TOR1AIP1: variants seen among roughly 807,000 people sequenced by gnomAD.
The protein encoded by TOR1AIP1 is torsin 1A interacting protein 1, also known as torsin-1A-interacting protein 1.
A neutral mutation model predicts 63.3 loss-of-function variants in TOR1AIP1; 54 were observed. The observed-to-expected ratio is 0.85, with a 90% CI of 0.69 to 1.07. The LOEUF (loss-of-function observed/expected upper bound fraction) is 1.07. Ranked by LOEUF, TOR1AIP1 falls within the 50% of genes least tolerant of loss-of-function variation. The probability of loss-of-function intolerance (pLI) is 0.00; values close to 1 mark genes in which losing one functional copy is unlikely to be tolerated. For synonymous variants in TOR1AIP1, 294 were observed against 273.5 expected (o/e 1.07, Z -0.74); for missense variants, 736 against 715.0 (o/e 1.03, Z -0.33).
intron 6 of TOR1AIP1, among the ~76,000 whole-genome samples, chr1:179,905,245 C>T (rs1035836910): frequency 2.6e-5 from 4 of 151,848 alleles, no homozygotes; most frequent in Non-Finnish European, 4.4e-5. Context: ...CGTGGTGGCG[C>T]GTGCCTGTAG....
chr1:179,887,985 C>T (rs1647958402), intron 2 of TOR1AIP1: 1 of 152,170 alleles, frequency 6.6e-6, no homozygotes, highest in Non-Finnish European at 1.5e-5. Flanking sequence ...TTCTCTCATA[C>T]CTCTCTCTGG....
Position 179,917,738 on chromosome 1 carries a change from T to C in TOR1AIP1, c.1251T>C (p.Asp417=). The change falls in exon 10 of 10, where the codon GAT becomes GAC. Residue 417 remains aspartate, a synonymous_variant. Coordinates refer to ENST00000606911, the MANE Select transcript of TOR1AIP1 (RefSeq NM_015602.4). ...TCTTACTGCTCACTGCTGCCCGAGATGCTGAAGAAGCACTTAGGTGTCTGA... is the reference window on the plus strand; with the variant it reads ...TCTTACTGCTCACTGCTGCCCGAGACGCTGAAGAAGCACTTAGGTGTCTGA... ...PAILLLTAAR[D]AEEALRCLSE... 6.2e-7 allele frequency: 1 copy of C among 1,614,236 alleles called. No homozygotes were observed. Among genetic ancestry groups the C allele is most frequent in the Non-Finnish European group, 8.5e-7 (1 of 1,180,044 alleles).
intron 3 of TOR1AIP1, among the ~76,000 whole-genome samples, chr1:179,898,825 G>A (rs184437930): frequency 3.8e-4 from 57 of 151,730 alleles, no homozygotes; most frequent in African/African-American, 1.2e-3. Flanking sequence ...GAAACCTAGA[G>A]CAAAATAGTA....
chr1:179,896,134 G>GT (rs1181124309), intron 3 of TOR1AIP1, among the ~76,000 whole-genome samples: 2 of 152,146 alleles, frequency 1.3e-5, no homozygotes, highest in East Asian at 1.9e-4. Flanking sequence ...AACCTTGCAG[G>GT]TATCTAATTA....
intron 3 of TOR1AIP1, among the ~76,000 whole-genome samples, chr1:179,897,596 C>T (rs565437419): frequency 2.0e-5 from 3 of 152,110 alleles, no homozygotes; most frequent in Non-Finnish European, 4.4e-5. Flanking sequence ...ATATCCTTTC[C>T]ATTATTATAG....
chr1:179,902,472 C>T (rs1468330078), intron 5 of TOR1AIP1, among the ~76,000 whole-genome samples: 1 of 151,922 alleles, frequency 6.6e-6, no homozygotes, highest in African/African-American at 2.4e-5. Context: ...ACTGCAGCCT[C>T]GACCTCCCAG....
In TOR1AIP1 at chr1:179,896,363, C is replaced by T. The variant is rs142406352; in HGVS notation, c.611-3763C>T. On this transcript the variant is annotated intron_variant, in intron 3 of 9. Coordinates refer to ENST00000606911, the MANE Select transcript of TOR1AIP1 (RefSeq NM_015602.4). ...CGTGATCTCGGCTCACTGCAACCTC[C>T]GCCTCAAAGTGCTGGGATTACAAGG... is the stretch of plus-strand genomic sequence containing the variant. Among the ~76,000 whole-genome samples, 14 of 152,056 alleles carry T rather than the reference C, an allele frequency of 9.2e-5. No homozygotes were observed. In the East Asian group the frequency reaches 2.3e-3, roughly 25 times the overall value.
intron 1 of TOR1AIP1, among the ~76,000 whole-genome samples, chr1:179,884,395 C>T (rs1432584843): frequency 6.6e-6 from 1 of 152,102 alleles, no homozygotes; most frequent in Non-Finnish European, 1.5e-5. Flanking sequence ...CACTCTTCTG[C>T]TTTCTTCCAC....
chr1:179,883,417 T>G (rs605807), intron 1 of TOR1AIP1, among the ~76,000 whole-genome samples: 88,416 of 152,108 alleles, frequency 0.58, 26,548 homozygotes, highest in East Asian at 0.76. Flanking sequence ...GATCTAACCT[T>G]TCAGTCTTTT....
Position 179,914,052 on chromosome 1 carries a change from G to A in TOR1AIP1, c.962G>A (p.Arg321Gln), listed in dbSNP as rs1045988718. Residue 321 changes from arginine (R) to glutamine (Q), a missense_variant and splice_region_variant, in exon 9 of 10, where the codon CGA becomes CAA. Around this residue, in one of 2 missense-constraint regions of TOR1AIP1, gnomAD observed 272 missense variants for 344.1 expected, o/e 0.79. Transcript: ENST00000606911. ...AACCAGTCACCATCAACCTCCAGCC[G>A]ACGTAAGTTTATGTATTCAGTTTTT... ...LGNQSPSTSSRQVTGQPQNAS... is the reference protein window; with the variant it reads ...LGNQSPSTSSQQVTGQPQNAS... 7.4e-6 allele frequency: 12 copies of A among 1,613,256 alleles called. No individual in the cohort carries two copies. Among genetic ancestry groups the A allele is most frequent in the African/African-American group, 4.0e-5 (3 of 75,014 alleles).
Position 179,908,665 on chromosome 1 carries a change from G to A in TOR1AIP1, c.899G>A (p.Arg300Lys). 3 of 1,613,120 alleles carry A rather than the reference G, an allele frequency of 1.9e-6. No homozygotes were observed. The highest frequency in any genetic ancestry group is 2.5e-6 in the Non-Finnish European group (3 of 1,179,296). The change falls in exon 8 of 10, where the codon AGG (arginine) becomes AAG (lysine). Residue 300 changes from arginine (R) to lysine (K), a missense_variant. Physicochemically the swap from Arg to Lys is conservative, Grantham distance 26. Coordinates refer to ENST00000606911, the MANE Select transcript of TOR1AIP1 (RefSeq NM_015602.4). ...CCACAAACTGCAAGAATAAGGACCA[G>A]GATGCAAAGTAAGTAGATAAATCTC... ...WAPQTARIRT[R>K]MQNDSILKSE...
intron 8 of TOR1AIP1, among the ~76,000 whole-genome samples, chr1:179,911,600 G>A (rs1387189082): frequency 2.0e-5 from 3 of 152,202 alleles, no homozygotes; most frequent in Admixed American, 2.0e-4. Flanking sequence ...TAATATAAAT[G>A]TTTTGGAACC....
Position 179,919,197 on chromosome 1 carries a change from G to C in TOR1AIP1, c.*958G>C, listed in dbSNP as rs939464577. 2 of 152,044 alleles carry C rather than the reference G, an allele frequency of 1.3e-5. No homozygotes were observed. Among genetic ancestry groups the C allele is most frequent in the Admixed American group, 6.6e-5 (1 of 15,256 alleles). 9.4% of individuals were successfully genotyped at this position (152,044 alleles called of 1,614,324 possible). On this transcript the variant is annotated 3_prime_UTR_variant, in exon 10 of 10. Transcript: ENST00000606911. ...GAGAATTGCTTGAACCCGGGAGGCG[G>C]AGGTTGCAGTAAGCCGAGACCATGC...
chr1:179,900,021 T>G (rs1277029529), intron 3 of TOR1AIP1, 105 bp from the exon 4 acceptor site: 1 of 794,864 alleles, frequency 1.3e-6, no homozygotes, highest in Non-Finnish European at 2.0e-6. Context: ...GATGCTCTTT[T>G]ATTTATTCCT....
intron 1 of TOR1AIP1, chr1:179,883,603 T>C (rs565196257): frequency 2.2e-6 from 1 of 456,204 alleles, no homozygotes; most frequent in Non-Finnish European, 4.4e-6. Flanking sequence ...AGCTGATTGC[T>C]GTTTCTCCAG....
intron 4 of TOR1AIP1, 172 bp from the exon 5 acceptor site, chr1:179,901,130 T>A (rs1212097974): frequency 4.5e-6 from 2 of 440,986 alleles, no homozygotes; most frequent in Non-Finnish European, 8.1e-6. Context: ...AAATTTTAGT[T>A]CCTTTGGAAC....
intron 6 of TOR1AIP1, among the ~76,000 whole-genome samples, chr1:179,906,336 A>G (rs1408280530): frequency 6.6e-6 from 1 of 152,218 alleles, no homozygotes. Context: ...TTTTTAAATT[A>G]AGCATTTCTA....
Position 179,918,467 on chromosome 1 carries a change from G to A in TOR1AIP1, c.*228G>A, listed in dbSNP as rs1339307358. 3.9e-6 allele frequency: 2 copies of A among 507,724 alleles called. No individual in the cohort carries two copies. The highest frequency in any genetic ancestry group is 6.9e-6 in the Non-Finnish European group (2 of 289,112). 31.5% of individuals were successfully genotyped at this position (507,724 alleles called of 1,614,324 possible). ...GCTCTGTTAAAGGTATCTTAGGAGT[G>A]CAGATTATATGCAGTTCCTTAGAGA... On this transcript the variant is annotated 3_prime_UTR_variant, in exon 10 of 10. Coordinates refer to ENST00000606911, the MANE Select transcript of TOR1AIP1 (RefSeq NM_015602.4).
rs751742803 is a variant in TOR1AIP1 at position 179,882,785 on chromosome 1, G to A, written c.283G>A (p.Ala95Thr). Residue 95 changes from alanine to threonine, a missense_variant, in exon 1 of 10, where the codon GCG (alanine) becomes ACG (threonine). Ala to Thr is a moderately conservative substitution (Grantham distance 58, BLOSUM62 0). This residue lies in a region of TOR1AIP1 where 464 missense variants were observed against 371.0 expected (regional missense o/e 1.25). Transcript: ENST00000606911. Reference sequence around the variant, plus strand: ...GCTAGAAGAGTTCCGGTCCGATTCTGCGAAAGAGGAAGTGAGAGAAAGCGC... The same window carrying A: ...GCTAGAAGAGTTCCGGTCCGATTCTACGAAAGAGGAAGTGAGAGAAAGCGC... ...TRLEEFRSDS[A>T]KEEVRESAYY... The A allele has an allele frequency of 6.2e-7, 1 of 1,614,232 alleles. No homozygotes were observed. Among genetic ancestry groups the A allele is most frequent in the Non-Finnish European group, 8.5e-7 (1 of 1,180,048 alleles).
Sources: gnomAD v4.1 joint callset for allele counts (sites outside exome capture counted in the v4.1 genomes callset) on GRCh38, gnomAD v4.1.1 for gene constraint, gnomAD v4.1.1 regional missense constraint, MANE v1.5 for transcripts, NCBI Gene and HGNC (gene_info 2026-07-23, HGNC 2026-07-21) for gene names.